Variants in SLC4A4 observed in about 807,000 individuals in gnomAD.
SLC4A4 encodes electrogenic sodium bicarbonate cotransporter 1.
A neutral mutation model predicts 111.5 loss-of-function variants in SLC4A4; 27 were observed. The ratio of observed to expected loss-of-function variants is 0.24; its 90% confidence interval spans 0.18 to 0.33. SLC4A4 has a LOEUF of 0.33. Among genes scored for constraint, SLC4A4 ranks in the 10% least tolerant of loss-of-function variants. The probability of loss-of-function intolerance (pLI) is 1.00; values close to 1 mark genes in which losing one functional copy is unlikely to be tolerated. For missense variants in SLC4A4, 909 were observed against 1,315.5 expected, an observed-to-expected ratio of 0.69 and a Z score of 4.78; for synonymous variants, 443 against 463.4, an observed-to-expected ratio of 0.96 and a Z score of 0.57.
intron 3 of SLC4A4, among the ~76,000 whole-genome samples, chr4:71,293,744 G>T (rs559517266): frequency 6.6e-6 from 1 of 152,296 alleles, no homozygotes; most frequent in South Asian, 2.1e-4. Flanking sequence ...TTCAGGTCCA[G>T]TTAGATAATT....
At chr4:71,066,409 T>C (rs1267039597) in intron 1 of SLC4A4, among the ~76,000 whole-genome samples, 1 of 152,202 alleles carries the variant, frequency 6.6e-6, no homozygotes. Flanking sequence ...ACTTTCAAAT[T>C]TGATATTCTG....
At chr4:71,198,139 A>G (rs755190520) in intron 1 of SLC4A4, among the ~76,000 whole-genome samples, 6 of 152,226 alleles carry the variant, frequency 3.9e-5, no homozygotes, top group Non-Finnish European at 8.8e-5. Flanking sequence ...ACTGGATTTT[A>G]TGTAAAGGTG....
At chr4:71,132,644 C>CT (rs886443734) in intron 2 of SLC4A4, among the ~76,000 whole-genome samples, 15 of 152,252 alleles carry the variant, frequency 9.9e-5, no homozygotes, top group African/African-American at 3.6e-4. Flanking sequence ...ATCTTGATGA[C>CT]TATTACTTCT....
rs78980482 is a variant in SLC4A4, at chr4:71,350,367, T to A, written c.550+295T>A. ...CTTTCCCTATGTTTTTGATTTTTTTTATTTTATTTTATTATTATTATTATT... is the reference window on the plus strand; with the variant it reads ...CTTTCCCTATGTTTTTGATTTTTTTAATTTTATTTTATTATTATTATTATT... On this transcript the variant is annotated intron_variant, in intron 5 of 25. Transcript: ENST00000264485. Among the ~76,000 whole-genome samples, 1,214 of 152,042 alleles carry A rather than the reference T, an allele frequency of 8.0e-3. 16 individuals carry two copies. The highest frequency in any genetic ancestry group is 0.026 in the African/African-American group (1,066 of 41,496).
chr4:71,152,356 T>C (rs1169054486), intron 2 of SLC4A4, among the ~76,000 whole-genome samples: 1 of 152,212 alleles, frequency 6.6e-6, no homozygotes, highest in Non-Finnish European at 1.5e-5. Context: ...AATCATGCTG[T>C]GTACATTTTT....
At position 71,236,175 on chromosome 4, in the gene SLC4A4, TG is replaced by T. The variant is rs1391322060; in HGVS notation, c.-1-399del. 3.8e-6 allele frequency: 4 copies of T among 1,058,324 alleles called. No homozygotes were observed. In the African/African-American group the frequency reaches 6.8e-5, roughly 18 times the overall value. The allele number at this position is 1,058,324 out of a possible 1,614,324, so 65.6% of individuals were successfully genotyped here. ...TGTTTAAAGAGCTAAGCACTGAAGC[TG>T]GATTTCCACAAACGATCATCACGAG... On this transcript the variant is annotated intron_variant, in intron 1 of 25. Transcript: ENST00000264485.
chr4:71,363,760 C>T (rs1456102397), intron 6 of SLC4A4, among the ~76,000 whole-genome samples: 2 of 152,122 alleles, frequency 1.3e-5, no homozygotes, highest in Non-Finnish European at 2.9e-5. Flanking sequence ...TCTCATTTTC[C>T]GTTCATTTTC....
chr4:71,114,773 T>A (rs1266160688), intron 2 of SLC4A4, among the ~76,000 whole-genome samples: 1 of 125,322 alleles, frequency 8.0e-6, no homozygotes, highest in Non-Finnish European at 1.6e-5. Flanking sequence ...TGGAAGTCAG[T>A]GTGGCGATTC....
chr4:71,436,152 C>A (rs1724122506), intron 7 of SLC4A4, among the ~76,000 whole-genome samples: 1 of 152,046 alleles, frequency 6.6e-6, no homozygotes, highest in African/African-American at 2.4e-5. Flanking sequence ...AGACTGGGAA[C>A]CAATCCAAAT....
chr4:71,286,375 A>G lies in SLC4A4; in HGVS notation c.253+30976A>G, dbSNP rs116078163. Among the ~76,000 whole-genome samples the G allele has an allele frequency of 5.3e-5, 8 of 152,336 alleles. No individual in the cohort carries two copies. The East Asian group carries it at 1.5e-3, about 29-fold the overall frequency. On this transcript the variant is annotated intron_variant, in intron 3 of 25. Coordinates refer to ENST00000264485, the MANE Select transcript of SLC4A4 (RefSeq NM_001098484.3). Reference sequence around the variant, plus strand: ...GTCAACAGAAGACCAAACGCTTAAAAGCACTGGATGTAAAGGACCATATGC... The same window carrying G: ...GTCAACAGAAGACCAAACGCTTAAAGGCACTGGATGTAAAGGACCATATGC...
At chr4:71,114,530 T>C (rs1018597394) in intron 2 of SLC4A4, among the ~76,000 whole-genome samples, 1 of 150,238 alleles carries the variant, frequency 6.7e-6, no homozygotes, top group African/African-American at 2.5e-5. Context: ...GCGAAGGACA[T>C]GAACAGACAC....
chr4:71,300,766 G>T, intron 3 of SLC4A4: 1 of 365,852 alleles, frequency 2.7e-6, no homozygotes, highest in Non-Finnish European at 5.5e-6. Flanking sequence ...CAGGCCATCT[G>T]GTGGATAGCA....
chr4:71,359,865 A>T (rs1328788424), intron 6 of SLC4A4, among the ~76,000 whole-genome samples: 3 of 152,184 alleles, frequency 2.0e-5, no homozygotes, highest in Non-Finnish European at 4.4e-5. Context: ...TACAAAATAG[A>T]TTCAGTGACA....
intron 12 of SLC4A4, among the ~76,000 whole-genome samples, chr4:71,465,303 T>C (rs1243552552): frequency 1.3e-5 from 2 of 152,024 alleles, no homozygotes; most frequent in Non-Finnish European, 2.9e-5. Flanking sequence ...AGAATTTCTT[T>C]ACTCATTTGA....
At chr4:71,151,771 A>AG (rs2148972292) in intron 2 of SLC4A4, among the ~76,000 whole-genome samples, 1 of 151,720 alleles carries the variant, frequency 6.6e-6, no homozygotes, top group East Asian at 2.0e-4. Flanking sequence ...AAAAAAAAAA[A>AG]AAATTAAGGC....
chr4:71,368,509 C>T (rs1021728335), intron 6 of SLC4A4, among the ~76,000 whole-genome samples: 4 of 152,168 alleles, frequency 2.6e-5, no homozygotes, highest in African/African-American at 9.7e-5. Context: ...GAAAATATTT[C>T]AGAAGTGAAA....
At chr4:71,419,105 G>C (rs573758018) in intron 7 of SLC4A4, among the ~76,000 whole-genome samples, 7 of 152,148 alleles carry the variant, frequency 4.6e-5, no homozygotes, top group East Asian at 3.9e-4. Flanking sequence ...TGCCCCTACT[G>C]GGGGGTGCCT....
At chr4:71,429,224 A>G (rs772584491) in intron 7 of SLC4A4, among the ~76,000 whole-genome samples, 10 of 152,122 alleles carry the variant, frequency 6.6e-5, no homozygotes, top group Non-Finnish European at 1.3e-4. Flanking sequence ...CTTTCATAGA[A>G]GGCAGAAGAA....
chr4:71,230,944 C>T (rs905487431), intron 1 of SLC4A4, among the ~76,000 whole-genome samples: 9 of 152,270 alleles, frequency 5.9e-5, no homozygotes, highest in South Asian at 2.1e-4. Context: ...GGTGGCTTCA[C>T]GGTAAAGCAG....
Sources: gnomAD v4.1 joint callset for allele counts (sites outside exome capture counted in the v4.1 genomes callset) on GRCh38, gnomAD v4.1.1 for gene constraint, MANE v1.5 for transcripts, NCBI Gene and HGNC (gene_info 2026-07-23, HGNC 2026-07-21) for gene names.